TBC1D1: variants seen among roughly 807,000 people sequenced by gnomAD.
TBC1D1 encodes the protein TBC1 domain family member 1.
A neutral mutation model predicts 125.6 loss-of-function variants in TBC1D1; 89 were observed. The ratio of observed to expected loss-of-function variants is 0.71; its 90% CI spans 0.60 to 0.85. The LOEUF (loss-of-function observed/expected upper bound fraction) is 0.85, where lower values mean the gene tolerates loss of function less well. TBC1D1 is among the 40% of genes least tolerant of loss of function. TBC1D1 has a pLI of 0.00. For missense variants in TBC1D1, 1,377 were observed against 1,469.2 expected (o/e 0.94, Z 1.03); for synonymous variants, 565 against 564.1 (o/e 1.00, Z -0.02).
intron 12 of TBC1D1, among the ~76,000 whole-genome samples, chr4:38,081,092 C>G (rs1194644559): frequency 6.6e-6 from 1 of 152,118 alleles, no homozygotes; most frequent in East Asian, 1.9e-4. Flanking sequence ...TTGTTTCCTT[C>G]CACTCTGCGT....
intron 15 of TBC1D1, among the ~76,000 whole-genome samples, chr4:38,103,676 A>G (rs576722066): frequency 2.8e-4 from 43 of 152,334 alleles, no homozygotes; most frequent in African/African-American, 8.9e-4. Flanking sequence ...AGATGGGAAC[A>G]ATATACAGTC....
chr4:38,115,549 C>G (rs533240357), intron 15 of TBC1D1, among the ~76,000 whole-genome samples, 161 bp from the exon 18 acceptor site: 1 of 152,306 alleles, frequency 6.6e-6, no homozygotes, highest in East Asian at 1.9e-4. Context: ...CCAGGAATAA[C>G]TGGTGGACTT....
intron 15 of TBC1D1, among the ~76,000 whole-genome samples, chr4:38,105,955 A>G (rs1761226376): frequency 6.6e-6 from 1 of 152,222 alleles, no homozygotes; most frequent in Non-Finnish European, 1.5e-5. Flanking sequence ...GTATATACTC[A>G]GTAATGGGAT....
Position 37,929,465 on chromosome 4 carries a change from A to AC in TBC1D1, c.417+26956dup, listed in dbSNP as rs533519385. 2.9e-3 allele frequency among the ~76,000 whole-genome samples: 436 copies of AC among 152,232 alleles called. 3 individuals are homozygous for AC. Among genetic ancestry groups the AC allele is most frequent in the African/African-American group, 9.8e-3 (409 of 41,556 alleles). ...TTAAGAATGCAAGTTCCTTAACCCCACCCTCGGACCCCTGGCACCTATATT... is the reference window on the plus strand; with the variant it reads ...TTAAGAATGCAAGTTCCTTAACCCCACCCCTCGGACCCCTGGCACCTATATT... On this transcript the variant is annotated intron_variant, in intron 2 of 19. Transcript: ENST00000261439.
chr4:38,130,418 G>A (rs779095736), intron 18 of TBC1D1, among the ~76,000 whole-genome samples: 10 of 152,234 alleles, frequency 6.6e-5, no homozygotes, highest in East Asian at 5.8e-4. Context: ...GCAAAACATC[G>A]AAAGTATGGA....
intron 2 of TBC1D1, among the ~76,000 whole-genome samples, chr4:37,985,354 A>C (rs1460120704): frequency 6.6e-6 from 1 of 152,142 alleles, no homozygotes; most frequent in Non-Finnish European, 1.5e-5. Flanking sequence ...GTGAACAAGT[A>C]CTCTGTGCTC....
At chr4:37,912,068 C>T (rs1391891873) in intron 2 of TBC1D1, among the ~76,000 whole-genome samples, 2 of 152,180 alleles carry the variant, frequency 1.3e-5, no homozygotes, top group Admixed American at 6.5e-5. Context: ...TCAGGACTTT[C>T]GCAAGTCATT....
rs146199966 is a variant in TBC1D1 at position 37,942,562 on chromosome 4, G to A, written c.417+40050G>A. ...GTTTTTTTTGTTTTTTTTTTAGGAC[G>A]GAGTCTTGCTCTGTCACCCAGGCTG... On this transcript the variant is annotated intron_variant, in intron 2 of 19. Transcript: ENST00000261439. Among the ~76,000 whole-genome samples the A allele has an allele frequency of 8.0e-3, 1,203 of 151,300 alleles. 10 individuals are homozygous for A. Among genetic ancestry groups the A allele is most frequent in the African/African-American group, 0.028 (1,134 of 41,190 alleles).
intron 12 of TBC1D1, chr4:38,060,543 TGA>T: frequency 1.0e-6 from 1 of 954,008 alleles, no homozygotes; most frequent in Non-Finnish European, 1.5e-6. Context: ...TGTCTGTTCA[TGA>T]GAGAGACATA....
chr4:38,083,793 T>C (rs983408601), intron 12 of TBC1D1, among the ~76,000 whole-genome samples: 1 of 152,216 alleles, frequency 6.6e-6, no homozygotes, highest in African/African-American at 2.4e-5. Context: ...TTGCTGAACT[T>C]CCAGAACACT....
At chr4:37,926,580 G>A (rs557211627) in intron 2 of TBC1D1, among the ~76,000 whole-genome samples, 15 of 152,286 alleles carry the variant, frequency 9.8e-5, no homozygotes, top group Admixed American at 3.9e-4. Context: ...ATTCTAGATC[G>A]AGGTGATGCG....
rs944531362 is a variant in TBC1D1, at chr4:37,978,334, C to T, written c.418-36175C>T. ...TTGAAAGGCTCGCTGGTCGTTAGGG[C>T]ATCTTGCTGTCACCCCATGCACTCA... On this transcript the variant is annotated intron_variant, in intron 2 of 19. Transcript: ENST00000261439. Among the ~76,000 whole-genome samples, 6 of 152,232 alleles carry T rather than the reference C, an allele frequency of 3.9e-5. No individual in the cohort carries two copies. The East Asian group carries it at 1.2e-3, about 29-fold the overall frequency.
At chr4:37,908,739 C>T (rs371281353) in intron 2 of TBC1D1, among the ~76,000 whole-genome samples, 1 of 152,106 alleles carries the variant, frequency 6.6e-6, no homozygotes, top group East Asian at 1.9e-4. Context: ...AGCCTGGTTC[C>T]TCCCTCTCCC....
chr4:38,037,310 A>G (rs556793907), intron 8 of TBC1D1, among the ~76,000 whole-genome samples: 73 of 151,844 alleles, frequency 4.8e-4, no homozygotes, highest in Middle Eastern at 3.4e-3. Context: ...TAAGAGTTCA[A>G]TGTAGAAGTG....
At chr4:37,893,134 C>A (rs770035044) in intron 1 of TBC1D1, among the ~76,000 whole-genome samples, 1 of 152,178 alleles carries the variant, frequency 6.6e-6, no homozygotes, top group Non-Finnish European at 1.5e-5. Flanking sequence ...ACCACAGCTG[C>A]CTGCTCTGTT....
chr4:38,038,696 C>T (rs1275586458), intron 8 of TBC1D1, among the ~76,000 whole-genome samples: 1 of 152,102 alleles, frequency 6.6e-6, no homozygotes, highest in Non-Finnish European at 1.5e-5. Flanking sequence ...GCCTGTAATC[C>T]CAGTACTTTG....
intron 18 of TBC1D1, among the ~76,000 whole-genome samples, chr4:38,129,430 C>T (rs1765219431): frequency 6.6e-6 from 1 of 152,204 alleles, no homozygotes; most frequent in African/African-American, 2.4e-5. Context: ...TTGAAAATTG[C>T]TCACATGCAG....
chr4:38,110,420 C>A (rs1447089950), intron 15 of TBC1D1: 1 of 985,218 alleles, frequency 1.0e-6, no homozygotes, highest in African/African-American at 1.7e-5. Context: ...AAGGCTCTTC[C>A]CCCTCCAAGT....
rs187837863 is a variant in TBC1D1, at chr4:38,020,647, C to A, written c.1029C>A (p.Gly343=). The change falls in exon 5 of 20, where the codon GGC becomes GGA. Residue 343 remains glycine (G), a synonymous_variant. Coordinates refer to ENST00000261439, the MANE Select transcript of TBC1D1 (RefSeq NM_015173.4). ...TCTGTCGGGAGTCTTCCGGAGGTGG[C>A]GGCTTTCATTTTGTCTGTTACGTGT... 1 of 1,612,892 alleles carries A rather than the reference C, an allele frequency of 6.2e-7. No individual in the cohort carries two copies. The highest frequency in any genetic ancestry group is 1.7e-4 in the Middle Eastern group (1 of 6,052).
Sources: gnomAD v4.1 joint callset for allele counts (sites outside exome capture counted in the v4.1 genomes callset) on GRCh38, gnomAD v4.1.1 for gene constraint, MANE v1.5 for transcripts, NCBI Gene and HGNC (gene_info 2026-07-23, HGNC 2026-07-21) for gene names.